The following URB1 variants were observed in gnomAD, a reference collection of about 807,000 sequenced individuals.
The protein encoded by URB1 is URB1 ribosome biogenesis factor.
Under a neutral mutation model 242.3 loss-of-function variants are expected in URB1, and 197 were observed. The observed-to-expected ratio is 0.81, with a 90% confidence interval of 0.72 to 0.91. The LOEUF (loss-of-function observed/expected upper bound fraction) is 0.91, where lower values mean the gene tolerates loss of function less well. Ranked by LOEUF, URB1 falls within the 40% of genes least tolerant of loss-of-function variation. The pLI, the probability that URB1 is intolerant of heterozygous loss-of-function variation, is 0.00. For synonymous variants in URB1, 1,153 were observed against 1,201.8 expected (o/e 0.96, Z 0.84); for missense variants, 2,721 against 2,860.5 (o/e 0.95, Z 1.11).
chr21:32,370,825 C>T (rs1199629111), intron 8 of URB1, among the ~76,000 whole-genome samples: 2 of 152,196 alleles, frequency 1.3e-5, no homozygotes, highest in Non-Finnish European at 1.5e-5. Flanking sequence ...GGCTGCCAAG[C>T]CCAAAATACA....
intron 26 of URB1, among the ~76,000 whole-genome samples, chr21:32,337,873 GC>G (rs1475677872): frequency 1.3e-5 from 2 of 151,838 alleles, no homozygotes; most frequent in Non-Finnish European, 2.9e-5. Context: ...TTCTTCCTAG[GC>G]CTTTGACAAG....
intron 10 of URB1, among the ~76,000 whole-genome samples, chr21:32,363,966 T>C (rs1305733270): frequency 6.6e-6 from 1 of 151,836 alleles, no homozygotes. Flanking sequence ...TTTTTTTTTT[T>C]CCTTTTGTAG....
intron 5 of URB1, among the ~76,000 whole-genome samples, chr21:32,377,483 T>C (rs559470655): frequency 1.3e-5 from 2 of 152,222 alleles, no homozygotes; most frequent in East Asian, 3.9e-4. Flanking sequence ...AAGAAACTAC[T>C]GGCCCTGGCA....
intron 32 of URB1, among the ~76,000 whole-genome samples, chr21:32,323,517 T>C (rs2032792163): frequency 6.6e-6 from 1 of 152,260 alleles, no homozygotes; most frequent in Admixed American, 6.5e-5. Context: ...AGCCTTGTTC[T>C]AACAGCGTGG....
At chr21:32,365,147 C>T (rs191102316) in intron 10 of URB1, among the ~76,000 whole-genome samples, 1 of 152,332 alleles carries the variant, frequency 6.6e-6, no homozygotes, top group African/African-American at 2.4e-5. Context: ...ATGCAGCCCA[C>T]AGAGGAGGCA....
rs556771792 is a variant in URB1 at position 32,311,304 on chromosome 21, G to A, written c.*3614C>T. 4 of 211,806 alleles carry A rather than the reference G, an allele frequency of 1.9e-5. No individual in the cohort carries two copies. The highest frequency in any genetic ancestry group is 4.6e-5 in the African/African-American group (2 of 43,700). 13.1% of individuals were successfully genotyped at this position (211,806 alleles called of 1,614,324 possible). A position where few individuals can be genotyped will look rare whatever the true frequency, so the allele number is the denominator to read the frequency against. ...TTCAAGGTGAGATTTGTGTCGTGAC[G>A]CAGCCAAACCATATCACCAAGATAC... On this transcript the variant is annotated 3_prime_UTR_variant, in exon 39 of 39. Transcript: ENST00000382751.
chr21:32,324,838 C>T (rs973892660), intron 31 of URB1, among the ~76,000 whole-genome samples: 1 of 152,252 alleles, frequency 6.6e-6, no homozygotes, highest in South Asian at 2.1e-4. Context: ...AAGTCTGGCA[C>T]CATGCCCTGA....
In URB1 at chr21:32,355,520, C is replaced by G; in HGVS notation, c.2035G>C (p.Glu679Gln). The G allele has an allele frequency of 6.4e-7, 1 of 1,551,752 alleles. No individual in the cohort carries two copies. Among genetic ancestry groups the G allele is most frequent in the Non-Finnish European group, 8.7e-7 (1 of 1,147,018 alleles). ...GVFEHTWKEL[E>Q]LWLEHLENTM... ...TTCTCTAAATGCTCCAGCCAGAGCT[C>G]CAGCTCCTTCCAGGTGTGCTCAAAC... is the stretch of plus-strand genomic sequence containing the variant. Residue 679 changes from glutamate to glutamine, a missense_variant, in exon 16 of 39, where the codon GAG (glutamate) becomes CAG (glutamine). Transcript: ENST00000382751.
chr21:32,351,239 AT>A (rs1306654694), intron 19 of URB1, among the ~76,000 whole-genome samples: 2 of 152,174 alleles, frequency 1.3e-5, no homozygotes, highest in African/African-American at 2.4e-5. Flanking sequence ...CAGGATGTGA[AT>A]CACAAGAATC....
In URB1 at chr21:32,355,106, C is replaced by G. The variant is rs945118559; in HGVS notation, c.2107-109G>C. On this transcript the variant is annotated intron_variant, in intron 16 of 38. Coordinates refer to ENST00000382751, the MANE Select transcript of URB1 (RefSeq NM_014825.3). ...AAGGCAAGTGATAATATGTTCAATC[C>G]TTAATTAGAATAGTTTTACTATGAA... The G allele has an allele frequency of 5.3e-6, 7 of 1,316,226 alleles. No homozygotes were observed. The Admixed American group carries it at 2.0e-4, about 38-fold the overall frequency. The allele number at this position is 1,316,226 out of a possible 1,614,324, so 81.5% of individuals were successfully genotyped here.
chr21:32,317,151 C>A, intron 37 of URB1, 86 bp from the exon 38 acceptor site: 1 of 1,438,660 alleles, frequency 7.0e-7, no homozygotes, highest in Non-Finnish European at 9.1e-7. Flanking sequence ...CAATGGGGGA[C>A]ACGAGGGGCG....
At chr21:32,388,531 T>C (rs983529141) in intron 1 of URB1, among the ~76,000 whole-genome samples, 1 of 152,182 alleles carries the variant, frequency 6.6e-6, no homozygotes, top group Non-Finnish European at 1.5e-5. Flanking sequence ...CAGGCGCTGC[T>C]CTGAGCTTCG....
rs778916088 is a variant in URB1 at position 32,347,168 on chromosome 21, A to G, written c.3656T>C (p.Leu1219Pro). 1 of 1,549,256 alleles carries G rather than the reference A, an allele frequency of 6.5e-7. No individual in the cohort carries two copies. Among genetic ancestry groups the G allele is most frequent in the South Asian group, 1.2e-5 (1 of 84,012 alleles). The change falls in exon 22 of 39, where the codon CTT becomes CCT. Residue 1219 changes from leucine to proline, a missense_variant. Transcript: ENST00000382751. Reference sequence around the variant, plus strand: ...TGTGCGCCGGGCCAGGCAGTAGTCAAGCAGATCAGCCCCGACTGCGGGGGC... The same window carrying G: ...TGTGCGCCGGGCCAGGCAGTAGTCAGGCAGATCAGCCCCGACTGCGGGGGC... ...VLAPAVGADL[L>P]DYCLARRTQA...
In URB1 at chr21:32,316,993, G is replaced by A. The variant is rs1298714410; in HGVS notation, c.6107C>T (p.Pro2036Leu). ...GTCAGCCATCTCCTCTGCCTCCCCA[G>A]GCCTCCTCTTTCGGCCCCGTGGGCC... ...AKGPRGRKRR[P>L]GEAEEMADPE... The change falls in exon 38 of 39, where the codon CCT becomes CTT. Residue 2036 changes from proline (P) to leucine (L), a missense_variant. Coordinates refer to ENST00000382751, the MANE Select transcript of URB1 (RefSeq NM_014825.3). 6.4e-7 allele frequency: 1 copy of A among 1,551,668 alleles called. No homozygotes were observed. The highest frequency in any genetic ancestry group is 1.2e-5 in the South Asian group (1 of 84,060).
At chr21:32,364,333 C>T (rs575884696) in intron 10 of URB1, among the ~76,000 whole-genome samples, 2 of 152,130 alleles carry the variant, frequency 1.3e-5, no homozygotes, top group Non-Finnish European at 2.9e-5. Flanking sequence ...GCCCAGGCCC[C>T]GGCCCACACA....
chr21:32,321,221 G>A (rs2032761454), intron 34 of URB1, among the ~76,000 whole-genome samples: 1 of 152,220 alleles, frequency 6.6e-6, no homozygotes, highest in Non-Finnish European at 1.5e-5. Flanking sequence ...GACTACGCTA[G>A]AAATTAATCA....
intron 29 of URB1, among the ~76,000 whole-genome samples, 179 bp downstream of exon 29, chr21:32,333,984 A>G (rs2032925551): frequency 6.6e-6 from 1 of 152,248 alleles, no homozygotes; most frequent in African/African-American, 2.4e-5. Context: ...TGGCCAGTGC[A>G]GATCATTGTT....
Position 32,357,529 on chromosome 21 carries a change from A to G in URB1, c.1989+8T>C. The G allele has an allele frequency of 6.7e-7, 1 of 1,500,866 alleles. No individual in the cohort carries two copies. The highest frequency in any genetic ancestry group is 8.9e-7 in the Non-Finnish European group (1 of 1,128,966). 93.0% of individuals were successfully genotyped at this position (1,500,866 alleles called of 1,614,324 possible). On this transcript the variant is annotated splice_region_variant and intron_variant, in intron 15 of 38. Coordinates refer to ENST00000382751, the MANE Select transcript of URB1 (RefSeq NM_014825.3). Reference sequence around the variant, plus strand: ...TTTCAGAGTTAGAAACTGGTAGAAAATGCTCACCTTCATGATCAGAAGTTT... The same window carrying G: ...TTTCAGAGTTAGAAACTGGTAGAAAGTGCTCACCTTCATGATCAGAAGTTT...
rs1365650350 is a variant in URB1, at chr21:32,334,294, T to C, written c.4726A>G (p.Thr1576Ala). 1.3e-6 allele frequency: 2 copies of C among 1,551,404 alleles called. No individual in the cohort carries two copies. Among genetic ancestry groups the C allele is most frequent in the South Asian group, 2.4e-5 (2 of 84,006 alleles). The change falls in exon 29 of 39, where the codon ACG becomes GCG. Residue 1576 changes from threonine (T) to alanine (A), a missense_variant. Physicochemically the swap from Thr to Ala is moderately conservative, Grantham distance 58 (BLOSUM62 0). Transcript: ENST00000382751. ...AGTGACCTGCCCAGGCTCCGGCACG[T>C]CTTGTGATGCTCCACGGCCGCTGGG... Reference protein sequence around the residue: ...WGPAAVEHHKTCRSLGRSLWQ... With the variant: ...WGPAAVEHHKACRSLGRSLWQ...
Sources: gnomAD v4.1 joint callset for allele counts (sites outside exome capture counted in the v4.1 genomes callset) on GRCh38, gnomAD v4.1.1 for gene constraint, MANE v1.5 for transcripts, NCBI Gene and HGNC (gene_info 2026-07-23, HGNC 2026-07-21) for gene names.